Variants in MYOT observed in about 807,000 individuals in gnomAD.
MYOT encodes the protein myotilin.
In MYOT, 36 loss-of-function variants were observed where a neutral mutation model predicts 58.0. The ratio of observed to expected loss-of-function variants is 0.62; its 90% confidence interval spans 0.48 to 0.82. MYOT has a LOEUF of 0.82. Ranked by LOEUF, MYOT falls within the 40% of genes least tolerant of loss-of-function variation. The pLI, the probability that MYOT is intolerant of heterozygous loss-of-function variation, is 0.00. For missense variants in MYOT, 505 were observed against 592.1 expected (o/e 0.85, Z 1.53); for synonymous variants, 218 against 204.6 (o/e 1.07, Z -0.56).
chr5:137,871,014 G>A lies in MYOT; in HGVS notation c.356+7G>A. On this transcript the variant is annotated splice_region_variant and intron_variant, in intron 2 of 9. Transcript: ENST00000239926. ...CTTCCGCTATGGATTCCAAGTAAGT[G>A]AATTTTTATATACCGCATGTACAGT... 2 of 1,607,762 alleles carry A rather than the reference G, an allele frequency of 1.2e-6. No homozygotes were observed. The highest frequency in any genetic ancestry group is 1.7e-6 in the Non-Finnish European group (2 of 1,174,696).
intron 1 of MYOT, among the ~76,000 whole-genome samples, chr5:137,870,095 T>G (rs1221632162): frequency 1.4e-5 from 2 of 141,588 alleles, no homozygotes; most frequent in African/African-American, 5.3e-5. Flanking sequence ...TTAAGACTAG[T>G]CTAGGCAACA....
At chr5:137,886,295 G>A in intron 8 of MYOT, 82 bp downstream of exon 8, 3 of 946,468 alleles carry the variant, frequency 3.2e-6, no homozygotes, top group Non-Finnish European at 4.8e-6. Flanking sequence ...TAAATGGCAT[G>A]CATTTATCTC....
chr5:137,874,372 C>G (rs2149981047), intron 2 of MYOT, among the ~76,000 whole-genome samples: 1 of 152,226 alleles, frequency 6.6e-6, no homozygotes, highest in South Asian at 2.1e-4. Context: ...GAGGCTGAGA[C>G]AGGAGAATCA....
chr5:137,879,816 G>T (rs552603887), intron 4 of MYOT, among the ~76,000 whole-genome samples: 1 of 151,554 alleles, frequency 6.6e-6, no homozygotes, highest in Admixed American at 6.6e-5. Context: ...GATTACAGGC[G>T]TGAGCCACTG....
intron 1 of MYOT, among the ~76,000 whole-genome samples, chr5:137,869,915 C>T (rs866214237): frequency 5.3e-4 from 80 of 151,232 alleles, no homozygotes; most frequent in African/African-American, 1.7e-3. Context: ...ACAGTCACTC[C>T]TTAATTAATA....
At chr5:137,872,048 T>C (rs1755068102) in intron 2 of MYOT, among the ~76,000 whole-genome samples, 1 of 152,108 alleles carries the variant, frequency 6.6e-6, no homozygotes, top group South Asian at 2.1e-4. Flanking sequence ...CCTATAGCAA[T>C]TCAACTTGCA....
chr5:137,884,056 T>G (rs1280951950), intron 7 of MYOT, among the ~76,000 whole-genome samples: 3 of 152,128 alleles, frequency 2.0e-5, no homozygotes, highest in Admixed American at 6.6e-5. Flanking sequence ...AGTTTAAAAG[T>G]GAAGAGTAGG....
intron 2 of MYOT, 149 bp downstream of exon 2, chr5:137,871,156 G>A: frequency 1.4e-6 from 1 of 735,746 alleles, no homozygotes; most frequent in Non-Finnish European, 2.3e-6. Context: ...AGTTCTACTA[G>A]AACATGCTGA....
chr5:137,877,641 G>A lies in MYOT; in HGVS notation c.633+20G>A, dbSNP rs980156341. The A allele has an allele frequency of 2.7e-6, 4 of 1,497,656 alleles. No individual in the cohort carries two copies. Among genetic ancestry groups the A allele is most frequent in the Non-Finnish European group, 1.9e-6 (2 of 1,073,812 alleles). The allele number at this position is 1,497,656 out of a possible 1,614,324, so 92.8% of individuals were successfully genotyped here. A position where few individuals can be genotyped will look rare whatever the true frequency, so the allele number is the denominator to read the frequency against. On this transcript the variant is annotated intron_variant, in intron 4 of 9. Transcript: ENST00000239926. ...TCGCAGGTAAGTTAAAATGCTCTAA[G>A]TGGAGTATTTTTATTCTGTGCGATT...
chr5:137,870,948 C>T lies in MYOT; in HGVS notation c.297C>T (p.Ser99=). The change falls in exon 2 of 10, where the codon TCC becomes TCT. Residue 99 remains serine (S), a synonymous_variant. Transcript: ENST00000239926. ...YNQSPASFLS[S]ILPSQPDYNS... ...AGTCCCCAGCCAGCTTCCTCAGCTC[C>T]ATATTACCATCACAGCCTGATTACA... The T allele has an allele frequency of 6.2e-7, 1 of 1,614,216 alleles. No individual in the cohort carries two copies. Among genetic ancestry groups the T allele is most frequent in the African/African-American group, 1.3e-5 (1 of 75,052 alleles).
chr5:137,874,392 G>A (rs572288987), intron 2 of MYOT, among the ~76,000 whole-genome samples: 6 of 152,244 alleles, frequency 3.9e-5, no homozygotes, highest in East Asian at 3.9e-4. Flanking sequence ...ACCTGAACCC[G>A]GGAGGCAGAG....
intron 3 of MYOT, among the ~76,000 whole-genome samples, chr5:137,877,144 G>A (rs1227547859): frequency 1.3e-5 from 2 of 151,742 alleles, no homozygotes; most frequent in Non-Finnish European, 2.9e-5. Flanking sequence ...CGAGGCGGGT[G>A]GATCACAAGG....
chr5:137,885,771 C>CAAAAAAAA (rs71583286), intron 7 of MYOT, among the ~76,000 whole-genome samples: 29 of 30,976 alleles, frequency 9.4e-4, no homozygotes, highest in East Asian at 6.5e-3. Flanking sequence ...GACTCTGTCT[C>CAAAAAAAA]AAAAAAAAAA....
Position 137,868,779 on chromosome 5 carries a change from G to A in MYOT, c.-212+826G>A, listed in dbSNP as rs138245545. 6.9e-4 allele frequency among the ~76,000 whole-genome samples: 105 copies of A among 151,818 alleles called. 1 individual carries two copies. The highest frequency in any genetic ancestry group is 2.5e-3 in the African/African-American group (102 of 41,188). ...AATTCTGCAACAGACTGAATAAACC[G>A]ATAACTACAAAACTACTTGCCTTGA... is the stretch of plus-strand genomic sequence containing the variant. On this transcript the variant is annotated intron_variant, in intron 1 of 9. Transcript: ENST00000239926.
At position 137,887,223 on chromosome 5, in the gene MYOT, C is replaced by T. The variant is rs769506328; in HGVS notation, c.1335C>T (p.Asn445=). 20 of 1,613,884 alleles carry T rather than the reference C, an allele frequency of 1.2e-5. No individual in the cohort carries two copies. The African/African-American group carries it at 2.5e-4, about 20-fold the overall frequency. The change falls in exon 10 of 10, where the codon AAC becomes AAT. Residue 445 remains asparagine, a synonymous_variant. Coordinates refer to ENST00000239926, the MANE Select transcript of MYOT (RefSeq NM_006790.3). The part of the protein sequence containing the change: ...NTRLDVTARP[N]QTLPAPKQLR... ...TGTGATCTATTTCAGCACGTCCAAA[C>T]CAAACTCTTCCAGCTCCTAAGCAGT...
intron 2 of MYOT, among the ~76,000 whole-genome samples, chr5:137,872,790 T>C (rs1274846798): frequency 6.6e-6 from 1 of 152,200 alleles, no homozygotes. Context: ...ACCCAGTTGA[T>C]CAAACCACAG....
intron 9 of MYOT, 34 bp from the exon 10 acceptor site, chr5:137,887,179 T>A (rs754108961): frequency 6.2e-7 from 1 of 1,613,800 alleles, no homozygotes; most frequent in South Asian, 1.1e-5. Context: ...TTAGAACAGG[T>A]TTTCTGAATC....
intron 7 of MYOT, 21 bp from the exon 8 acceptor site, chr5:137,886,027 A>G (rs374595635): frequency 1.4e-6 from 2 of 1,468,370 alleles, no homozygotes; most frequent in Non-Finnish European, 1.9e-6. Flanking sequence ...CAAATACTTG[A>G]ATTTTTGTAT....
intron 1 of MYOT, among the ~76,000 whole-genome samples, chr5:137,868,504 G>A (rs1323922543): frequency 2.0e-5 from 3 of 151,990 alleles, no homozygotes; most frequent in African/African-American, 7.2e-5. Context: ...TTTGACACAT[G>A]GATAAAATGA....
Sources: gnomAD v4.1 joint callset for allele counts (sites outside exome capture counted in the v4.1 genomes callset) on GRCh38, gnomAD v4.1.1 for gene constraint, MANE v1.5 for transcripts, NCBI Gene and HGNC (gene_info 2026-07-23, HGNC 2026-07-21) for gene names.